The following SGMS1 variants were observed in gnomAD, a reference collection of about 807,000 sequenced individuals.
SGMS1 encodes the protein phosphatidylcholine:ceramide cholinephosphotransferase 1.
A neutral mutation model predicts 46.2 loss-of-function variants in SGMS1; 13 were observed. That is an observed-to-expected ratio of 0.28 (90% CI 0.18 to 0.45). The LOEUF is 0.45. Among genes scored for constraint, SGMS1 ranks in the 20% least tolerant of loss-of-function variants. The pLI is 1.00. For missense variants in SGMS1, 324 were observed against 519.9 expected (o/e 0.62, Z 3.66); for synonymous variants, 203 against 187.8 (o/e 1.08, Z -0.66).
At chr10:50,318,997 T>G (rs1244152571) in intron 8 of SGMS1, among the ~76,000 whole-genome samples, 3 of 152,178 alleles carry the variant, frequency 2.0e-5, no homozygotes, top group Admixed American at 2.0e-4. Flanking sequence ...TGATAAAATC[T>G]TAAATAAAGG....
intron 5 of SGMS1, among the ~76,000 whole-genome samples, chr10:50,448,435 T>C (rs897942687): frequency 1.3e-5 from 2 of 151,790 alleles, no homozygotes; most frequent in African/African-American, 4.8e-5. Context: ...AGAATGATTG[T>C]GAAAAAGGGA....
rs139920116 is a variant in SGMS1 at position 50,466,017 on chromosome 10, G to GTAGGTA, written c.-455+867_-455+872dup. Among the ~76,000 whole-genome samples the GTAGGTA allele has an allele frequency of 5.9e-3, 891 of 152,258 alleles. 6 individuals are homozygous for GTAGGTA. Among genetic ancestry groups the GTAGGTA allele is most frequent in the South Asian group, 0.011 (51 of 4,824 alleles). The stretch of plus-strand genomic sequence containing the variant: ...TCAAGAAAATAAAGAGACAGGAAAA[G>GTAGGTA]TAGGTATGTAGTAAGGGTAAAGGGT... On this transcript the variant is annotated intron_variant, in intron 4 of 10. Coordinates refer to ENST00000361781, the MANE Select transcript of SGMS1 (RefSeq NM_147156.4).
intron 1 of SGMS1, among the ~76,000 whole-genome samples, chr10:50,622,237 C>A (rs1272200086): frequency 6.6e-6 from 1 of 152,176 alleles, no homozygotes; most frequent in Non-Finnish European, 1.5e-5. Flanking sequence ...CGCCCGTGGA[C>A]GTTTCACACC....
At chr10:50,498,771 CG>C (rs1837637225) in intron 3 of SGMS1, among the ~76,000 whole-genome samples, 1 of 152,088 alleles carries the variant, frequency 6.6e-6, no homozygotes. Flanking sequence ...TGCTATAAAC[CG>C]GGGTGTACAA....
intron 2 of SGMS1, among the ~76,000 whole-genome samples, chr10:50,556,549 C>T (rs1259931580): frequency 6.6e-6 from 1 of 152,072 alleles, no homozygotes; most frequent in African/African-American, 2.4e-5. Context: ...AGGTGTATCT[C>T]AGGAGAGCAA....
At chr10:50,318,407 CA>C (rs1847383591) in intron 8 of SGMS1, among the ~76,000 whole-genome samples, 1 of 152,132 alleles carries the variant, frequency 6.6e-6, no homozygotes, top group South Asian at 2.1e-4. Flanking sequence ...CAAAGCAAGA[CA>C]ATGTTTATAA....
intron 2 of SGMS1, among the ~76,000 whole-genome samples, chr10:50,522,557 G>A (rs1837865724): frequency 6.6e-6 from 1 of 152,150 alleles, no homozygotes; most frequent in Admixed American, 6.6e-5. Context: ...GTAAACAATT[G>A]GAGGGTGTTC....
At chr10:50,524,946 C>T (rs540161265) in intron 2 of SGMS1, among the ~76,000 whole-genome samples, 12 of 152,038 alleles carry the variant, frequency 7.9e-5, no homozygotes, top group Non-Finnish European at 1.6e-4. Context: ...CAACGATATG[C>T]CCATAATAAA....
In SGMS1 at chr10:50,332,684, A is replaced by G. The variant is rs532007863; in HGVS notation, c.624-5362T>C. Among the ~76,000 whole-genome samples the G allele has an allele frequency of 1.8e-3, 229 of 128,082 alleles. 1 individual carries two copies. The highest frequency in any genetic ancestry group is 3.0e-3 in the Non-Finnish European group (197 of 65,176). 84.0% of individuals were successfully genotyped at this position (128,082 alleles called of 152,430 possible). ...GTCATCCAGGCTGGAGTGCAGTCGC[A>G]TGATCATGGCTCACTGCAGTCTCCA... On this transcript the variant is annotated intron_variant, in intron 7 of 10. Transcript: ENST00000361781.
chr10:50,411,296 T>C (rs1242827193), intron 6 of SGMS1, among the ~76,000 whole-genome samples: 1 of 152,240 alleles, frequency 6.6e-6, no homozygotes, highest in Non-Finnish European at 1.5e-5. Context: ...TAATGAGGCA[T>C]ATTGTTCCAC....
intron 5 of SGMS1, among the ~76,000 whole-genome samples, chr10:50,450,764 T>C (rs1032580107): frequency 5.3e-5 from 8 of 152,018 alleles, no homozygotes. Context: ...TCAAGAAAGC[T>C]TTCTTCATTT....
chr10:50,558,001 T>G (rs957743492), intron 2 of SGMS1, among the ~76,000 whole-genome samples: 1 of 152,238 alleles, frequency 6.6e-6, no homozygotes, highest in African/African-American at 2.4e-5. Context: ...AATTAACTTA[T>G]TTATATAATC....
intron 3 of SGMS1, among the ~76,000 whole-genome samples, chr10:50,501,312 T>C (rs1451727349): frequency 4.6e-5 from 7 of 152,158 alleles, no homozygotes; most frequent in African/African-American, 1.7e-4. Context: ...ACAAACTCTA[T>C]CATCCTAACA....
intron 3 of SGMS1, among the ~76,000 whole-genome samples, chr10:50,517,059 G>T (rs1837812968): frequency 6.6e-6 from 1 of 152,130 alleles, no homozygotes; most frequent in East Asian, 1.9e-4. Context: ...AAGGGAATAG[G>T]TATTCAAAGG....
intron 2 of SGMS1, among the ~76,000 whole-genome samples, chr10:50,570,254 C>T (rs1042808875): frequency 6.6e-6 from 1 of 152,116 alleles, no homozygotes; most frequent in Non-Finnish European, 1.5e-5. Flanking sequence ...TCTCTCAATA[C>T]CAAAGGTACT....
intron 6 of SGMS1, among the ~76,000 whole-genome samples, chr10:50,370,168 A>G (rs2133441837): frequency 6.6e-6 from 1 of 152,308 alleles, no homozygotes; most frequent in East Asian, 1.9e-4. Context: ...ATTACTGTAC[A>G]CTACTGCAGA....
intron 2 of SGMS1, among the ~76,000 whole-genome samples, chr10:50,571,729 A>G (rs1272252170): frequency 1.3e-5 from 2 of 152,206 alleles, no homozygotes; most frequent in Admixed American, 6.5e-5. Flanking sequence ...GTATAAAACC[A>G]ATATTTATAT....
chr10:50,428,016 T>C (rs998621115), intron 6 of SGMS1, among the ~76,000 whole-genome samples: 3 of 151,930 alleles, frequency 2.0e-5, no homozygotes, highest in African/African-American at 4.8e-5. Flanking sequence ...TGTGTGTGTA[T>C]GTGTGTGTAT....
chr10:50,599,929 G>T (rs17581567), intron 1 of SGMS1, among the ~76,000 whole-genome samples: 21,554 of 152,198 alleles, frequency 0.14, 1,807 homozygotes, highest in Non-Finnish European at 0.2. Context: ...TAGTCTGTCA[G>T]GCAGGGAAAT....
Sources: gnomAD v4.1 joint callset for allele counts (sites outside exome capture counted in the v4.1 genomes callset) on GRCh38, gnomAD v4.1.1 for gene constraint, MANE v1.5 for transcripts, NCBI Gene and HGNC (gene_info 2026-07-23, HGNC 2026-07-21) for gene names.